The following THTPA variants were observed in gnomAD, a reference collection of about 807,000 sequenced individuals.
THTPA encodes thiamine triphosphatase, also known as thiamine-triphosphatase.
In THTPA, 16 loss-of-function variants were observed where a neutral mutation model predicts 16.5. The observed-to-expected ratio is 0.97, with a 90% CI of 0.66 to 1.47. The LOEUF is 1.47. THTPA is among the 40% of genes most tolerant of loss of function. The probability of loss-of-function intolerance (pLI) is 0.00; values close to 1 mark genes in which losing one functional copy is unlikely to be tolerated. For missense variants in THTPA, 281 were observed against 280.9 expected (o/e 1.00, Z 0.00); for synonymous variants, 110 against 115.5 (o/e 0.95, Z 0.30).
At chr14:23,529,058 A>T in the THTPA span, among the ~76,000 whole-genome samples, 2 of 152,248 alleles carry the variant, frequency 1.3e-5, no homozygotes, top group Non-Finnish European at 2.9e-5. Context: ...ATGCAGTAAC[A>T]CTGCGTATTG....
At chr14:23,525,846 G>A in the THTPA span, 1 of 1,457,130 alleles carries the variant, frequency 6.9e-7, no homozygotes, top group Non-Finnish European at 9.0e-7. The surrounding 1 kb of genome is among the most constrained non-coding windows in gnomAD (Gnocchi z 5.9). Context: ...AGGTAGAAGG[G>A]CAGGAGCAGC....
chr14:23,556,142 T>A (rs1338644301), upstream of THTPA: 1 of 152,840 alleles, frequency 6.5e-6, no homozygotes, highest in East Asian at 1.9e-4. Context: ...TCCCATTACA[T>A]AGCGCGTGTC....
intron 1 of THTPA, among the ~76,000 whole-genome samples, chr14:23,557,990 A>G (rs923055135): frequency 6.6e-6 from 1 of 152,206 alleles, no homozygotes; most frequent in African/African-American, 2.4e-5. Context: ...GTTATGTGAG[A>G]CAGTGGGGCA....
chr14:23,554,407 C>T (rs1882189241), upstream of THTPA, among the ~76,000 whole-genome samples: 1 of 152,072 alleles, frequency 6.6e-6, no homozygotes, highest in South Asian at 2.1e-4. Flanking sequence ...CAGGGTCTTG[C>T]TCTGTTGCCG....
chr14:23,554,975 C>T (rs1882243302), upstream of THTPA, among the ~76,000 whole-genome samples: 2 of 152,046 alleles, frequency 1.3e-5, no homozygotes, highest in Non-Finnish European at 2.9e-5. Context: ...GGCCAACCCC[C>T]ATGTTTTCCT....
the THTPA span, chr14:23,521,798 G>A: frequency 1.3e-5 from 16 of 1,251,978 alleles, no homozygotes; most frequent in Non-Finnish European, 1.5e-5. Context: ...GGACTCTGCT[G>A]GAAGTGGGGT....
chr14:23,520,745 A>G, the THTPA span: 2 of 149,418 alleles, frequency 1.3e-5, no homozygotes, highest in Admixed American at 6.6e-5. The surrounding 1 kb of genome is among the most constrained non-coding windows in gnomAD (Gnocchi z 8.7). Context: ...GCAAGGAGCT[A>G]AAGCTGTTTG....
chr14:23,533,531 T>C, the THTPA span: 9 of 1,536,138 alleles, frequency 5.9e-6, no homozygotes, highest in Non-Finnish European at 7.0e-6. This position sits in a 1 kb window ranked among gnomAD's most constrained non-coding sequence, Gnocchi z 4.8. Flanking sequence ...TGGTGCAGCA[T>C]TAGGACATTC....
chr14:23,542,902 A>AT, the THTPA span: 1 of 151,984 alleles, frequency 6.6e-6, no homozygotes, highest in Non-Finnish European at 1.5e-5. Context: ...CAAGCAGCTA[A>AT]TTTTTTGTAT....
At chr14:23,517,635 C>T in the THTPA span, among the ~76,000 whole-genome samples, 3 of 152,158 alleles carry the variant, frequency 2.0e-5, no homozygotes. Context: ...AATTTGCCTC[C>T]TACATATCTC....
At chr14:23,516,581 C>T in the THTPA span, among the ~76,000 whole-genome samples, 1 of 152,198 alleles carries the variant, frequency 6.6e-6, no homozygotes, top group Non-Finnish European at 1.5e-5. Context: ...GAAACCTCAT[C>T]ATTGAGAATC....
the THTPA span, chr14:23,527,914 T>A: frequency 2.8e-6 from 3 of 1,065,392 alleles, no homozygotes; most frequent in South Asian, 5.0e-5. Flanking sequence ...TTTTTTTTTT[T>A]TTTTTTTTTT....
At position 23,559,817 on chromosome 14, in the gene THTPA, C is replaced by T. The variant is rs1427295596; in HGVS notation, c.*977C>T. On this transcript the variant is annotated 3_prime_UTR_variant, in exon 2 of 2. Coordinates refer to ENST00000288014, the MANE Select transcript of THTPA (RefSeq NM_024328.6). ...TCCTGCACCGACTGGTGAAAGTGGT[C>T]GTAGGTGAGGCGCAGCTTTAGCCGC... is the stretch of plus-strand genomic sequence containing the variant. 9.3e-6 allele frequency: 15 copies of T among 1,613,946 alleles called. No individual in the cohort carries two copies. The highest frequency in any genetic ancestry group is 2.7e-5 in the African/African-American group (2 of 74,888).
At position 23,556,892 on chromosome 14, in the gene THTPA, G is replaced by A. The variant is rs1385511084; in HGVS notation, c.135G>A (p.Leu45=). 6.2e-7 allele frequency: 1 copy of A among 1,613,902 alleles called. No individual in the cohort carries two copies. Among genetic ancestry groups the A allele is most frequent in the Non-Finnish European group, 8.5e-7 (1 of 1,179,876 alleles). ...ACACCTACTATGACACCCCTGAGCT[G>A]AGCCTCATGCAGGCTGACCACTGGC... The part of the protein sequence containing the change: ...FRDTYYDTPE[L]SLMQADHWLR... Residue 45 remains leucine (L), a synonymous_variant, in exon 1 of 2, where the codon CTG becomes CTA. Coordinates refer to ENST00000288014, the MANE Select transcript of THTPA (RefSeq NM_024328.6).
Position 23,556,845 on chromosome 14 carries a change from G to C in THTPA, c.88G>C (p.Glu30Gln), listed in dbSNP as rs200481524. ...GCTGCAGGAGTTGGGGGGCACCCTGGAGTACCGGGTCACCTTCCGAGACAC... is the reference window on the plus strand; with the variant it reads ...GCTGCAGGAGTTGGGGGGCACCCTGCAGTACCGGGTCACCTTCCGAGACAC... ...ERLQELGGTLEYRVTFRDTYY... is the reference protein window; with the variant it reads ...ERLQELGGTLQYRVTFRDTYY... The change falls in exon 1 of 2, where the codon GAG becomes CAG. Residue 30 changes from glutamate to glutamine, a missense_variant. Coordinates refer to ENST00000288014, the MANE Select transcript of THTPA (RefSeq NM_024328.6). 1 of 1,613,126 alleles carries C rather than the reference G, an allele frequency of 6.2e-7. No individual in the cohort carries two copies. Among genetic ancestry groups the C allele is most frequent in the East Asian group, 2.2e-5 (1 of 44,838 alleles).
chr14:23,526,140 G>T, the THTPA span: 4 of 1,536,480 alleles, frequency 2.6e-6, no homozygotes, highest in Non-Finnish European at 3.5e-6. Context: ...AGAACTGACC[G>T]CATGTGGATC....
the THTPA span, chr14:23,527,675 G>C: frequency 7.8e-6 from 12 of 1,536,330 alleles, no homozygotes; most frequent in South Asian, 1.3e-4. Context: ...TGCAGGGCAG[G>C]CCGGCCCACC....
the THTPA span, among the ~76,000 whole-genome samples, chr14:23,536,681 T>C: frequency 6.6e-6 from 1 of 152,178 alleles, no homozygotes; most frequent in African/African-American, 2.4e-5. Flanking sequence ...GAAACAGAGA[T>C]GTTAAGTGAG....
upstream of THTPA, among the ~76,000 whole-genome samples, chr14:23,553,369 G>A (rs936771567): frequency 1.3e-5 from 2 of 152,134 alleles, no homozygotes; most frequent in African/African-American, 4.8e-5. Flanking sequence ...GGAGGCTGAG[G>A]TGGGTAGATC....
Sources: allele counts gnomAD v4.1 joint callset (sites outside exome capture counted in the v4.1 genomes callset), GRCh38; gene constraint gnomAD v4.1.1; non-coding constraint Gnocchi (gnomAD v3.1); transcripts MANE v1.5; gene names NCBI Gene and HGNC (gene_info 2026-07-23, HGNC 2026-07-21).